The following GTF3C3 variants were observed in gnomAD, a reference collection of about 807,000 sequenced individuals.
GTF3C3 encodes the protein general transcription factor 3C polypeptide 3.
GTF3C3 carries 75 observed loss-of-function variants against 105.2 expected under a neutral mutation model. The ratio of observed to expected loss-of-function variants is 0.71; its 90% CI spans 0.59 to 0.86. GTF3C3 has a LOEUF of 0.86. Among genes scored for constraint, GTF3C3 ranks in the 40% least tolerant of loss-of-function variants. The pLI, the probability that GTF3C3 is intolerant of heterozygous loss-of-function variation, is 0.00. For missense variants in GTF3C3, 856 were observed against 1,076.5 expected (o/e 0.80, Z 2.87); for synonymous variants, 335 against 370.4 (o/e 0.90, Z 1.10).
intron 1 of GTF3C3, among the ~76,000 whole-genome samples, 195 bp from the exon 2 acceptor site, chr2:196,798,103 T>G (rs929266740): frequency 1.3e-5 from 2 of 152,240 alleles, no homozygotes; most frequent in Admixed American, 6.5e-5. Context: ...ACACAGTAGA[T>G]GGAATCTAAA....
intron 10 of GTF3C3, among the ~76,000 whole-genome samples, chr2:196,777,067 C>T (rs1699272130): frequency 6.6e-6 from 1 of 152,176 alleles, no homozygotes; most frequent in Non-Finnish European, 1.5e-5. Flanking sequence ...GTTTTATTAG[C>T]TCACAGTGCT....
chr2:196,769,950 T>G lies in GTF3C3; in HGVS notation c.2350A>C (p.Lys784Gln). 1 of 1,606,744 alleles carries G rather than the reference T, an allele frequency of 6.2e-7. No homozygotes were observed. The highest frequency in any genetic ancestry group is 8.5e-7 in the Non-Finnish European group (1 of 1,176,550). Residue 784 changes from lysine (K) to glutamine (Q), a missense_variant, in exon 16 of 18, where the codon AAG becomes CAG. Lys to Gln is a moderately conservative substitution (Grantham distance 53, BLOSUM62 1). Coordinates refer to ENST00000263956, the MANE Select transcript of GTF3C3 (RefSeq NM_012086.5). ...GLTFIHMASQ[K>Q]YVLRRHALIV... is the part of the protein sequence containing the mutation. ...AGAGCATGTCTCCGTAACACATACT[T>G]CTGAGATGCCATATGAATAAAGGTT...
rs771526044 is a variant in GTF3C3, at chr2:196,776,144, C to T, written c.1594-33G>A. The T allele has an allele frequency of 4.6e-6, 5 of 1,097,924 alleles. No individual in the cohort carries two copies. Among genetic ancestry groups the T allele is most frequent in the Admixed American group, 4.6e-5 (2 of 43,720 alleles). 68.0% of individuals were successfully genotyped at this position (1,097,924 alleles called of 1,614,324 possible). ...AATAAGCACATGATGATGAGCCTAA[C>T]AAGATTCCTTTTCTACAAATTGTTT... On this transcript the variant is annotated intron_variant, in intron 11 of 17. Coordinates refer to ENST00000263956, the MANE Select transcript of GTF3C3 (RefSeq NM_012086.5). The surrounding 1 kb of genome is among the most constrained non-coding windows in gnomAD (Gnocchi z 4.5).
intron 6 of GTF3C3, among the ~76,000 whole-genome samples, chr2:196,788,833 A>G (rs1286645918): frequency 1.3e-5 from 2 of 152,114 alleles, no homozygotes; most frequent in Non-Finnish European, 2.9e-5. Context: ...GGGAGGCCAA[A>G]GCAAAAGAAA....
chr2:196,770,657 T>C (rs1291052504), intron 15 of GTF3C3, among the ~76,000 whole-genome samples: 2 of 152,174 alleles, frequency 1.3e-5, no homozygotes, highest in African/African-American at 4.8e-5. Flanking sequence ...TAGGGGTATT[T>C]AAGCAAGTTT....
chr2:196,779,425 A>G (rs1699310312), intron 9 of GTF3C3, among the ~76,000 whole-genome samples: 2 of 152,108 alleles, frequency 1.3e-5, no homozygotes, highest in South Asian at 4.1e-4. Context: ...CATATCAGTT[A>G]TAAGAGGCAA....
chr2:196,781,356 AAATATATATATATATATAT>A (rs1433609134), intron 8 of GTF3C3, among the ~76,000 whole-genome samples: 2 of 54,492 alleles, frequency 3.7e-5, no homozygotes, highest in Non-Finnish European at 9.0e-5. Flanking sequence ...AAAAAAAAAA[AAATATATATATATATATAT>A]ATATATATAT....
At position 196,763,453 on chromosome 2, in the gene GTF3C3, TA is replaced by T. The variant is rs1699005163; in HGVS notation, c.*1109del. ...GTAAAAATTAAGCATGTGAAACAGTTAACCTCAATTATAAAAATAAAATGCA... is the reference window on the plus strand; with the variant it reads ...GTAAAAATTAAGCATGTGAAACAGTTACCTCAATTATAAAAATAAAATGCA... On this transcript the variant is annotated 3_prime_UTR_variant, in exon 18 of 18. Coordinates refer to ENST00000263956, the MANE Select transcript of GTF3C3 (RefSeq NM_012086.5). 1 of 152,240 alleles carries T rather than the reference TA, an allele frequency of 6.6e-6. No homozygotes were observed. The highest frequency in any genetic ancestry group is 1.5e-5 in the Non-Finnish European group (1 of 68,034). 9.4% of individuals were successfully genotyped at this position (152,240 alleles called of 1,614,324 possible). A position where few individuals can be genotyped will look rare whatever the true frequency, so the allele number is the denominator to read the frequency against.
At chr2:196,798,341 A>G (rs1166554600) in intron 1 of GTF3C3, among the ~76,000 whole-genome samples, 1 of 152,018 alleles carries the variant, frequency 6.6e-6, no homozygotes, top group African/African-American at 2.4e-5. Context: ...CCTGGGCAAC[A>G]TGAAGAAACC....
chr2:196,766,933 A>C (rs536465271), intron 16 of GTF3C3: 1 of 346,014 alleles, frequency 2.9e-6, no homozygotes, highest in Admixed American at 4.5e-5. Flanking sequence ...ATAAATATTC[A>C]CAGAAAACAG....
rs1491547715 is a variant in GTF3C3 at position 196,764,439 on chromosome 2, ACT to A, written c.*122_*123del. ...ATTATCACATATTAAAAATAAATAC[ACT>A]GTTTGTTAGGTAATTCTGAAATTGT... On this transcript the variant is annotated 3_prime_UTR_variant, in exon 18 of 18. Coordinates refer to ENST00000263956, the MANE Select transcript of GTF3C3 (RefSeq NM_012086.5). The A allele has an allele frequency of 4.7e-6, 4 of 850,460 alleles. No individual in the cohort carries two copies. Among genetic ancestry groups the A allele is most frequent in the South Asian group, 2.7e-5 (1 of 36,454 alleles). 52.7% of individuals were successfully genotyped at this position (850,460 alleles called of 1,614,324 possible). A position where few individuals can be genotyped will look rare whatever the true frequency, so the allele number is the denominator to read the frequency against.
At chr2:196,779,130 C>CT (rs879111814) in intron 9 of GTF3C3, 63 bp from the exon 10 acceptor site, 36,744 of 1,027,342 alleles carry the variant, frequency 0.036, 3 homozygotes, top group East Asian at 0.043. Context: ...CTATCTATAG[C>CT]TTTTTTTTTT....
At chr2:196,798,992 A>T (rs749206699) in intron 1 of GTF3C3, among the ~76,000 whole-genome samples, 7 of 152,012 alleles carry the variant, frequency 4.6e-5, no homozygotes, top group Non-Finnish European at 7.4e-5. Flanking sequence ...AAGTATGGGG[A>T]AAAAAAAGGT....
In GTF3C3 at chr2:196,786,056, C is replaced by A. The variant is rs925489517; in HGVS notation, c.894-468G>T. Reference sequence around the variant, plus strand: ...AAGCCTGGTTAAAATCCAACTATATCTACTCTTCACCACCACCTGCCCAGC... The same window carrying A: ...AAGCCTGGTTAAAATCCAACTATATATACTCTTCACCACCACCTGCCCAGC... On this transcript the variant is annotated intron_variant, in intron 6 of 17. Coordinates refer to ENST00000263956, the MANE Select transcript of GTF3C3 (RefSeq NM_012086.5). The surrounding 1 kb of genome is among the most constrained non-coding windows in gnomAD (Gnocchi z 4.2). Among the ~76,000 whole-genome samples, 1 of 152,156 alleles carries A rather than the reference C, an allele frequency of 6.6e-6. No homozygotes were observed. The highest frequency in any genetic ancestry group is 2.4e-5 in the African/African-American group (1 of 41,444).
chr2:196,798,081 C>T (rs1044570036), intron 1 of GTF3C3, among the ~76,000 whole-genome samples, 173 bp from the exon 2 acceptor site: 2 of 152,134 alleles, frequency 1.3e-5, no homozygotes, highest in Non-Finnish European at 2.9e-5. Context: ...AAAACTTGAG[C>T]TGTGAACACA....
At chr2:196,785,256 T>G (rs1699436636) in intron 7 of GTF3C3, among the ~76,000 whole-genome samples, 185 bp downstream of exon 7, 1 of 152,196 alleles carries the variant, frequency 6.6e-6, no homozygotes, top group South Asian at 2.1e-4. Flanking sequence ...GGCAATATTT[T>G]TTATTATGTA....
At chr2:196,797,480 G>A (rs1699666844) in intron 2 of GTF3C3, among the ~76,000 whole-genome samples, 1 of 152,196 alleles carries the variant, frequency 6.6e-6, no homozygotes, top group African/African-American at 2.4e-5. Context: ...ACAATTTGAG[G>A]AAGTATAGTC....
chr2:196,798,618 C>T (rs1383780968), intron 1 of GTF3C3, among the ~76,000 whole-genome samples: 1 of 152,000 alleles, frequency 6.6e-6, no homozygotes, highest in African/African-American at 2.4e-5. Context: ...AATCCCAGTA[C>T]TTTGGGAAGC....
At chr2:196,783,187 A>G (rs540571014) in intron 8 of GTF3C3, among the ~76,000 whole-genome samples, 1 of 147,710 alleles carries the variant, frequency 6.8e-6, no homozygotes, top group Non-Finnish European at 1.5e-5. Context: ...GTTATTTTAC[A>G]TGCTAAAAAA....
Sources: gnomAD v4.1 joint callset for allele counts (sites outside exome capture counted in the v4.1 genomes callset) on GRCh38, gnomAD v4.1.1 for gene constraint, Gnocchi (gnomAD v3.1) non-coding constraint, MANE v1.5 for transcripts, NCBI Gene and HGNC (gene_info 2026-07-23, HGNC 2026-07-21) for gene names.